The following WDFY4 variants were observed in gnomAD, a reference collection of about 807,000 sequenced individuals.
The protein encoded by WDFY4 is WD repeat- and FYVE domain-containing protein 4.
Under a neutral mutation model 351.9 loss-of-function variants are expected in WDFY4, and 169 were observed. The ratio of observed to expected loss-of-function variants is 0.48; its 90% CI spans 0.42 to 0.55. The LOEUF is 0.55. WDFY4 is among the 20% of genes least tolerant of loss of function. The pLI, the probability that WDFY4 is intolerant of heterozygous loss-of-function variation, is 0.00. For synonymous variants in WDFY4, 1,622 were observed against 1,574.6 expected (o/e 1.03, Z -0.71); for missense variants, 3,803 against 3,935.6 (o/e 0.97, Z 0.90).
chr10:48,828,838 C>A lies in WDFY4; in HGVS notation c.6282C>A (p.Phe2094Leu). 7 of 1,545,324 alleles carry A rather than the reference C, an allele frequency of 4.5e-6. No individual in the cohort carries two copies. The highest frequency in any genetic ancestry group is 6.1e-6 in the Non-Finnish European group (7 of 1,144,770). The change falls in exon 37 of 62, where the codon TTC (phenylalanine) becomes TTA (leucine). Residue 2094 changes from phenylalanine (F) to leucine (L), a missense_variant. By Grantham distance (22) the Phe-to-Leu change is conservative. Coordinates refer to ENST00000325239, the MANE Select transcript of WDFY4 (RefSeq NM_001394531.1). ...GAATGTCTACTTATCATCAAGTCTT[C>A]CTTTCCCCAAATGAAGACGTGAAAG... ...KPRMSTYHQV[F>L]LSPNEDVKEK...
At chr10:48,939,849 G>T (rs904828964) in intron 47 of WDFY4, among the ~76,000 whole-genome samples, 1 of 152,090 alleles carries the variant, frequency 6.6e-6, no homozygotes, top group African/African-American at 2.4e-5. Flanking sequence ...ATGAGGAGGG[G>T]GATGGTGAAA....
chr10:48,883,922 G>T (rs2070355879), intron 43 of WDFY4: 1 of 152,148 alleles, frequency 6.6e-6, no homozygotes, highest in Non-Finnish European at 1.5e-5. Flanking sequence ...TGATTCCCAG[G>T]ACTACAAACG....
intron 18 of WDFY4, among the ~76,000 whole-genome samples, chr10:48,779,298 G>A (rs1323092783): frequency 3.3e-5 from 5 of 152,206 alleles, no homozygotes; most frequent in African/African-American, 7.2e-5. Context: ...TTGGCATGGC[G>A]CCCAGGGCCA....
At chr10:48,805,919 G>A (rs965117166) in intron 26 of WDFY4, 85 bp from the exon 27 acceptor site, 1 of 1,090,776 alleles carries the variant, frequency 9.2e-7, no homozygotes, top group African/African-American at 1.6e-5. Context: ...GCACGTGGGT[G>A]GGTCTATGTG....
At chr10:48,820,494 C>T in intron 33 of WDFY4, 57 bp downstream of exon 33, 1 of 1,522,024 alleles carries the variant, frequency 6.6e-7, no homozygotes, top group Non-Finnish European at 8.9e-7. Context: ...GGCATACCGG[C>T]ACTGCAAGGG....
intron 39 of WDFY4, among the ~76,000 whole-genome samples, chr10:48,864,705 A>T (rs888311538): frequency 2.6e-5 from 4 of 152,224 alleles, no homozygotes; most frequent in Admixed American, 2.6e-4. Flanking sequence ...AGAACTTGTT[A>T]CCATACATAT....
At chr10:48,837,278 C>T (rs936422680) in intron 39 of WDFY4, among the ~76,000 whole-genome samples, 1 of 151,594 alleles carries the variant, frequency 6.6e-6, no homozygotes, top group Non-Finnish European at 1.5e-5. Flanking sequence ...GGAGAGCTCT[C>T]GGGCAGGGAG....
chr10:48,975,213 C>A, intron 58 of WDFY4, 172 bp downstream of exon 58: 1 of 823,294 alleles, frequency 1.2e-6, no homozygotes, highest in Non-Finnish European at 1.9e-6. Context: ...CCAGGTCTAG[C>A]TTCAATGTCC....
Position 48,725,876 on chromosome 10 carries a change from T to C in WDFY4, c.592-5T>C, listed in dbSNP as rs1487766904. 1.1e-5 allele frequency: 17 copies of C among 1,534,220 alleles called. No individual in the cohort carries two copies. The highest frequency in any genetic ancestry group is 1.3e-5 in the Non-Finnish European group (15 of 1,132,640). On this transcript the variant is annotated splice_region_variant and splice_polypyrimidine_tract_variant and intron_variant, in intron 5 of 61. Coordinates refer to ENST00000325239, the MANE Select transcript of WDFY4 (RefSeq NM_001394531.1). ...TCCTTGACTGTTTATCTTCTTATTT[T>C]TCAGATGTTGCTCAATATTTGCAGT...
Position 48,977,191 on chromosome 10 carries a change from CACAT to C in WDFY4, c.9291+213_9291+216del, listed in dbSNP as rs757089292. 43 of 361,344 alleles carry C rather than the reference CACAT, an allele frequency of 1.2e-4. 1 individual carries two copies. Among genetic ancestry groups the C allele is most frequent in the Middle Eastern group, 1.4e-3 (2 of 1,404 alleles). 22.4% of individuals were successfully genotyped at this position (361,344 alleles called of 1,614,324 possible). ...ATATAGTATTACACACACAGACACA[CACAT>C]GCACACACACACAGACACACACTAA... On this transcript the variant is annotated intron_variant, in intron 59 of 61. Transcript: ENST00000325239.
chr10:48,717,727 C>A (rs1041380675), intron 2 of WDFY4, among the ~76,000 whole-genome samples: 8 of 152,194 alleles, frequency 5.3e-5, no homozygotes. Flanking sequence ...CATGTTGATG[C>A]ATCTAGCTCC....
chr10:48,833,515 C>G (rs977016762), intron 39 of WDFY4, among the ~76,000 whole-genome samples: 2 of 152,084 alleles, frequency 1.3e-5, no homozygotes, highest in African/African-American at 4.8e-5. Flanking sequence ...AGTGTCACCT[C>G]CATCAAGATG....
At chr10:48,685,331 C>A (rs1380755635) in intron 1 of WDFY4, among the ~76,000 whole-genome samples, 1 of 152,186 alleles carries the variant, frequency 6.6e-6, no homozygotes, top group African/African-American at 2.4e-5. Flanking sequence ...CGGGGTCCTG[C>A]TATGAAGGGA....
chr10:48,832,087 A>T (rs2068209746), intron 38 of WDFY4, among the ~76,000 whole-genome samples: 1 of 152,268 alleles, frequency 6.6e-6, no homozygotes, highest in African/African-American at 2.4e-5. Context: ...AGAGAAAAGT[A>T]AAATAGGATA....
intron 13 of WDFY4, among the ~76,000 whole-genome samples, chr10:48,770,872 A>G (rs904379252): frequency 6.6e-6 from 1 of 152,244 alleles, no homozygotes; most frequent in Non-Finnish European, 1.5e-5. Context: ...CCTCCATATC[A>G]GTGACATCAT....
In WDFY4 at chr10:48,897,465, C is replaced by T. The variant is rs747677004; in HGVS notation, c.7328C>T (p.Pro2443Leu). Reference sequence around the variant, plus strand: ...TGTTTCCTTTTCAGCATCAGCGATCCGTTCATTTTCAACCTGTGCAGCAAA... The same window carrying T: ...TGTTTCCTTTTCAGCATCAGCGATCTGTTCATTTTCAACCTGTGCAGCAAA... Reference protein sequence around the residue: ...TRHCLSNISDPFIFNLCSKDR... With the variant: ...TRHCLSNISDLFIFNLCSKDR... Residue 2443 changes from proline to leucine, a missense_variant, in exon 45 of 62, where the codon CCG becomes CTG. Transcript: ENST00000325239. 44 of 1,551,270 alleles carry T rather than the reference C, an allele frequency of 2.8e-5. No individual in the cohort carries two copies. In the Admixed American group the frequency reaches 3.1e-4, roughly 11 times the overall value.
Position 48,788,754 on chromosome 10 carries a change from A to G in WDFY4, c.3954+79A>G. ...GCATTAGCTTTCAGTGCTTAAGTAAACACTATTTCATGTTTGCACTTGTGT... is the reference window on the plus strand; with the variant it reads ...GCATTAGCTTTCAGTGCTTAAGTAAGCACTATTTCATGTTTGCACTTGTGT... On this transcript the variant is annotated intron_variant, in intron 21 of 61. Transcript: ENST00000325239. The G allele has an allele frequency of 3.3e-6, 5 of 1,504,696 alleles. No homozygotes were observed. The South Asian group carries it at 6.2e-5, about 19-fold the overall frequency. 93.2% of individuals were successfully genotyped at this position (1,504,696 alleles called of 1,614,324 possible). A position where few individuals can be genotyped will look rare whatever the true frequency, so the allele number is the denominator to read the frequency against.
Position 48,777,402 on chromosome 10 carries a change from C to T in WDFY4, c.3099-17C>T. The T allele has an allele frequency of 1.3e-6, 2 of 1,551,028 alleles. No homozygotes were observed. The highest frequency in any genetic ancestry group is 1.7e-6 in the Non-Finnish European group (2 of 1,146,446). ...TGGCTTGCAGTCCAATGATCTGAGA[C>T]AATTTTCTATTTCCAGCTGTTTGTT... is the stretch of plus-strand genomic sequence containing the variant. On this transcript the variant is annotated splice_polypyrimidine_tract_variant and intron_variant, in intron 16 of 61. Transcript: ENST00000325239.
chr10:48,869,401 A>G (rs1184563432), intron 40 of WDFY4, among the ~76,000 whole-genome samples: 1 of 152,172 alleles, frequency 6.6e-6, no homozygotes, highest in Admixed American at 6.5e-5. Context: ...TTTACCCACA[A>G]CTGAGAGGTG....
Sources: gnomAD v4.1 joint callset for allele counts (sites outside exome capture counted in the v4.1 genomes callset) on GRCh38, gnomAD v4.1.1 for gene constraint, MANE v1.5 for transcripts, NCBI Gene and HGNC (gene_info 2026-07-23, HGNC 2026-07-21) for gene names.